DNPEP: variants seen among roughly 807,000 people sequenced by gnomAD.
The protein encoded by DNPEP is aspartyl aminopeptidase.
In DNPEP, 46 loss-of-function variants were observed where a neutral mutation model predicts 59.1. The ratio of observed to expected loss-of-function variants is 0.78; its 90% confidence interval spans 0.61 to 0.99. The LOEUF is 0.99. Ranked by LOEUF, DNPEP falls within the 50% of genes least tolerant of loss-of-function variation. The pLI, the probability that DNPEP is intolerant of heterozygous loss-of-function variation, is 0.00. For missense variants in DNPEP, 617 were observed against 649.9 expected, an observed-to-expected ratio of 0.95 and a Z score of 0.55; for synonymous variants, 229 against 242.2, an observed-to-expected ratio of 0.95 and a Z score of 0.50.
intron 1 of DNPEP, 101 bp downstream of exon 1, chr2:219,387,658 T>C: frequency 6.4e-7 from 1 of 1,566,702 alleles, no homozygotes; most frequent in Non-Finnish European, 8.7e-7. Flanking sequence ...TCGCTTTGGG[T>C]CAGGCGGCCC....
In DNPEP at chr2:219,373,785, GC is replaced by G. The variant is rs1229585088; in HGVS notation, c.*506del. The G allele has an allele frequency of 6.2e-6, 1 of 161,042 alleles. No homozygotes were observed. Among genetic ancestry groups the G allele is most frequent in the Non-Finnish European group, 1.4e-5 (1 of 73,458 alleles). 10.0% of individuals were successfully genotyped at this position (161,042 alleles called of 1,614,324 possible). A position where few individuals can be genotyped will look rare whatever the true frequency, so the allele number is the denominator to read the frequency against. On this transcript the variant is annotated 3_prime_UTR_variant, in exon 15 of 15. Coordinates refer to ENST00000273075, the MANE Select transcript of DNPEP (RefSeq NM_012100.4). ...TGAAGGGTGATAAGGTATAGACTGT[GC>G]CCTTCTCTTTGCAGCTCCTGAGAGG...
chr2:219,388,105 C>T, upstream of DNPEP: 1 of 293,578 alleles, frequency 3.4e-6, no homozygotes, highest in East Asian at 7.3e-5. Flanking sequence ...CCGCCCGCCC[C>T]GCCCCGCCCC....
intron 13 of DNPEP, among the ~76,000 whole-genome samples, chr2:219,380,523 T>G (rs1953548247): frequency 6.6e-6 from 1 of 152,086 alleles, no homozygotes; most frequent in South Asian, 2.1e-4. Flanking sequence ...CGCCTGGCCT[T>G]CTGTACCTTT....
Position 219,383,191 on chromosome 2 carries a change from G to A in DNPEP, c.876C>T (p.Gly292=), listed in dbSNP as rs1225050258. 1 of 1,614,174 alleles carries A rather than the reference G, an allele frequency of 6.2e-7. No individual in the cohort carries two copies. Among genetic ancestry groups the A allele is most frequent in the Non-Finnish European group, 8.5e-7 (1 of 1,179,998 alleles). Residue 292 remains glycine (G), a synonymous_variant, in exon 10 of 15, where the codon GGC becomes GGT. Coordinates refer to ENST00000273075, the MANE Select transcript of DNPEP (RefSeq NM_012100.4). The stretch of plus-strand genomic sequence containing the variant: ...GAGGCTCTGTGGCCAGGGAGCCAGG[G>A]CCTGCACAGGAATCTATCAAGGCCT... The part of the protein sequence containing the change: ...ALQALIDSCA[G]PGSLATEPHV...
In DNPEP at chr2:219,385,933, C is replaced by G. The variant is rs1429604524; in HGVS notation, c.590+35G>C. 7.5e-6 allele frequency: 12 copies of G among 1,610,232 alleles called. No individual in the cohort carries two copies. The Admixed American group carries it at 2.0e-4, about 27-fold the overall frequency. On this transcript the variant is annotated intron_variant, in intron 6 of 14. Transcript: ENST00000273075. ...ATAATCACCTGGTACCATTCTCCAT[C>G]CCTCCCAGCCACCGCAGCCCTGCCC...
At chr2:219,390,751 A>G (rs1449841082), upstream of DNPEP, among the ~76,000 whole-genome samples, 3 of 151,776 alleles carry the variant, frequency 2.0e-5, no homozygotes, top group Non-Finnish European at 4.4e-5. Context: ...AACTGCTTGA[A>G]CCCGGGAGGC....
Position 219,385,453 on chromosome 2 carries a change from C to T in DNPEP, c.745G>A (p.Glu249Lys). ...GLSPKDIVEM[E>K]LCLADTQPAV... ...GGCTGGGTGTCTGCAAGGCAGAGCT[C>T]CATCTCCACTATGTCCTTGGGGCTC... Residue 249 changes from glutamate (E) to lysine (K), a missense_variant, in exon 8 of 15, where the codon GAG (glutamate) becomes AAG (lysine). By Grantham distance (56) the Glu-to-Lys change is moderately conservative. Transcript: ENST00000273075. The T allele has an allele frequency of 1.2e-6, 2 of 1,610,736 alleles. No homozygotes were observed. Among genetic ancestry groups the T allele is most frequent in the East Asian group, 2.2e-5 (1 of 44,702 alleles).
intron 13 of DNPEP, among the ~76,000 whole-genome samples, chr2:219,376,185 A>T (rs183226097): frequency 1.3e-5 from 2 of 152,178 alleles, no homozygotes; most frequent in East Asian, 3.9e-4. Flanking sequence ...TGATTCTAAG[A>T]TAGTCAGAAA....
intron 13 of DNPEP, among the ~76,000 whole-genome samples, chr2:219,376,489 A>C (rs921519464): frequency 7.3e-5 from 11 of 151,368 alleles, no homozygotes; most frequent in Non-Finnish European, 1.6e-4. Flanking sequence ...CCCTGTCTAA[A>C]AAAAAAAAAA....
intron 8 of DNPEP, 197 bp downstream of exon 8, chr2:219,385,227 G>A (rs912300147): frequency 3.6e-6 from 2 of 549,570 alleles, no homozygotes; most frequent in East Asian, 5.7e-5. Flanking sequence ...TAGTCCTAGT[G>A]GGCAGGTCTG....
upstream of DNPEP, chr2:219,388,854 G>A (rs1204183365): frequency 8.1e-6 from 8 of 985,316 alleles, no homozygotes; most frequent in Non-Finnish European, 9.6e-6. Flanking sequence ...CTTCACAACT[G>A]CCCCATCAAC....
chr2:219,377,133 G>A lies in DNPEP; in HGVS notation c.1240-2111C>T, dbSNP rs574250237. Reference sequence around the variant, plus strand: ...TACTAAAAATACAAAAATTAGCTGGGCATCGTGGTGCACACTTGTAATCCC... The same window carrying A: ...TACTAAAAATACAAAAATTAGCTGGACATCGTGGTGCACACTTGTAATCCC... On this transcript the variant is annotated intron_variant, in intron 13 of 14. Transcript: ENST00000273075. 3.3e-5 allele frequency among the ~76,000 whole-genome samples: 5 copies of A among 151,888 alleles called. No homozygotes were observed. In the East Asian group the frequency reaches 9.7e-4, roughly 29 times the overall value.
chr2:219,390,767 T>C (rs894997795), upstream of DNPEP, among the ~76,000 whole-genome samples: 15 of 152,090 alleles, frequency 9.9e-5, no homozygotes, highest in African/African-American at 2.9e-4. Flanking sequence ...GAGGCAGAGG[T>C]TGCAGTGAGC....
rs1271837154 is a variant in DNPEP, at chr2:219,372,657, G to A, written c.*1635C>T. 2.6e-5 allele frequency among the ~76,000 whole-genome samples: 4 copies of A among 152,016 alleles called. No individual in the cohort carries two copies. Among genetic ancestry groups the A allele is most frequent in the Non-Finnish European group, 5.9e-5 (4 of 68,006 alleles). ...GCTGGGATTACAGGCATAAGCCACC[G>A]TGCCTGGCCATATAATGTTTTGAAG... is the stretch of plus-strand genomic sequence containing the variant. On this transcript the variant is annotated 3_prime_UTR_variant, in exon 15 of 15. Transcript: ENST00000273075.
intron 1 of DNPEP, chr2:219,399,642 T>C: frequency 3.2e-6 from 2 of 631,952 alleles, no homozygotes; most frequent in South Asian, 3.6e-5. Flanking sequence ...ACAGGGTTGT[T>C]TGGAAAGATT....
At chr2:219,380,202 C>CTTTTTT (rs71040453) in intron 13 of DNPEP, among the ~76,000 whole-genome samples, 2 of 129,192 alleles carry the variant, frequency 1.5e-5, no homozygotes, top group Non-Finnish European at 3.2e-5. Flanking sequence ...TTTTTCTTTT[C>CTTTTTT]TTTTTTTTTT....
At position 219,386,960 on chromosome 2, in the gene DNPEP, G is replaced by A. The variant is rs1350556884; in HGVS notation, c.151C>T (p.Arg51Cys). The part of the protein sequence containing the change: ...PFHAVAECRN[R>C]LLQAGFSELK... Reference sequence around the variant, plus strand: ...TCACTGAAGCCAGCCTGGAGAAGGCGGTTGCGGCATTCAGCCACAGCTGTG... The same window carrying A: ...TCACTGAAGCCAGCCTGGAGAAGGCAGTTGCGGCATTCAGCCACAGCTGTG... Residue 51 changes from arginine to cysteine, a missense_variant, in exon 3 of 15, where the codon CGC becomes TGC. By Grantham distance (180) the Arg-to-Cys change is radical (BLOSUM62 -3). Coordinates refer to ENST00000273075, the MANE Select transcript of DNPEP (RefSeq NM_012100.4). 5.0e-6 allele frequency: 8 copies of A among 1,613,654 alleles called. No individual in the cohort carries two copies. The highest frequency in any genetic ancestry group is 1.1e-5 in the South Asian group (1 of 91,068).
rs1371443078 is a variant in DNPEP at position 219,387,466 on chromosome 2, A to G, written c.36+293T>C. The G allele has an allele frequency of 1.2e-5, 17 of 1,430,804 alleles. No individual in the cohort carries two copies. In the East Asian group the frequency reaches 4.1e-4, roughly 35 times the overall value. 88.6% of individuals were successfully genotyped at this position (1,430,804 alleles called of 1,614,324 possible). ...TCCTGTTCTGCTCCCAAACTCCGGG[A>G]TCCCAAGCGGGCCCCATACTCTGAG... On this transcript the variant is annotated intron_variant, in intron 1 of 14. Transcript: ENST00000273075.
upstream of DNPEP, chr2:219,387,935 ATG>A: frequency 9.7e-7 from 1 of 1,031,224 alleles, no homozygotes; most frequent in Non-Finnish European, 1.2e-6. Flanking sequence ...GCCCCGCCCC[ATG>A]TTTGGCCTCC....
Sources: gnomAD v4.1 joint callset for allele counts (sites outside exome capture counted in the v4.1 genomes callset) on GRCh38, gnomAD v4.1.1 for gene constraint, MANE v1.5 for transcripts, NCBI Gene and HGNC (gene_info 2026-07-23, HGNC 2026-07-21) for gene names.